The following TDRD15 variants were observed in gnomAD, a reference collection of about 807,000 sequenced individuals.
TDRD15 encodes the protein tudor domain containing 15, also known as tudor domain-containing protein 15.
For synonymous variants in TDRD15, 503 were observed against 314.5 expected (o/e 1.60, Z -6.34); for missense variants, 1,416 against 904.7 (o/e 1.57, Z -7.25).
Position 21,138,086 on chromosome 2 carries a change from T to A in TDRD15, c.619T>A (p.Leu207Ile), listed in dbSNP as rs1444798895. 1 of 716,192 alleles carries A rather than the reference T, an allele frequency of 1.4e-6. No individual in the cohort carries two copies. Among genetic ancestry groups the A allele is most frequent in the South Asian group, 1.5e-5 (1 of 67,432 alleles). The allele number at this position is 716,192 out of a possible 1,614,324, so 44.4% of individuals were successfully genotyped here. A position where few individuals can be genotyped will look rare whatever the true frequency, so the allele number is the denominator to read the frequency against. Residue 207 changes from leucine (L) to isoleucine (I), a missense_variant, in exon 4 of 4, where the codon TTA (leucine) becomes ATA (isoleucine). By Grantham distance (5) the Leu-to-Ile change is conservative (BLOSUM62 2). Coordinates refer to ENST00000405799, the MANE Select transcript of TDRD15 (RefSeq NM_001306137.2). ...AGAATTCCCTCAACAAATGCCAGAT[T>A]TATTACAACATAAAAGGCCTGAATT... ...LEEFPQQMPD[L>I]LQHKRPELSL...
At position 21,141,801 on chromosome 2, in the gene TDRD15, A is replaced by G; in HGVS notation, c.4334A>G (p.Lys1445Arg). ...HNKTVYCEFLKKHDQKWEVNM... is the reference protein window; with the variant it reads ...HNKTVYCEFLRKHDQKWEVNM... The stretch of plus-strand genomic sequence containing the variant: ...AAAACAGTTTATTGTGAATTTTTGA[A>G]AAAGCATGATCAGAAATGGGAAGTA... The change falls in exon 4 of 4, where the codon AAA (lysine) becomes AGA (arginine). Residue 1445 changes from lysine (K) to arginine (R), a missense_variant. Physicochemically the swap from Lys to Arg is conservative, Grantham distance 26 (BLOSUM62 2). Transcript: ENST00000405799. 5.6e-6 allele frequency: 4 copies of G among 713,688 alleles called. No individual in the cohort carries two copies. The South Asian group carries it at 6.0e-5, about 11-fold the overall frequency. 44.2% of individuals were successfully genotyped at this position (713,688 alleles called of 1,614,324 possible).
rs1665897275 is a variant in TDRD15 at position 21,140,322 on chromosome 2, A to G, written c.2855A>G (p.Tyr952Cys). Residue 952 changes from tyrosine (Y) to cysteine (C), a missense_variant, in exon 4 of 4, where the codon TAC becomes TGC. Transcript: ENST00000405799. ...SETFPSLFSL[Y>C]SYCYSSFNIQ... is the part of the protein sequence containing the mutation. The stretch of plus-strand genomic sequence containing the variant: ...ACATTCCCATCTTTATTTAGTCTTT[A>G]CAGTTACTGTTATTCTTCCTTTAAT... 1.4e-6 allele frequency: 1 copy of G among 713,778 alleles called. No homozygotes were observed. Among genetic ancestry groups the G allele is most frequent in the Non-Finnish European group, 2.6e-6 (1 of 383,362 alleles). 44.2% of individuals were successfully genotyped at this position (713,778 alleles called of 1,614,324 possible).
chr2:21,131,249 G>A (rs61437001), intron 2 of TDRD15, among the ~76,000 whole-genome samples: 4,042 of 152,188 alleles, frequency 0.027, 136 homozygotes, highest in East Asian at 0.14. Context: ...GTTTTGTTTG[G>A]GGATGTTAGG....
At position 21,142,297 on chromosome 2, in the gene TDRD15, A is replaced by G. The variant is rs186441571; in HGVS notation, c.4830A>G (p.Val1610=). 1,379 of 688,462 alleles carry G rather than the reference A, an allele frequency of 2.0e-3. 21 individuals are homozygous for G. The highest frequency in any genetic ancestry group is 1.8e-4 in the Non-Finnish European group (68 of 376,764). 42.6% of individuals were successfully genotyped at this position (688,462 alleles called of 1,614,324 possible). A position where few individuals can be genotyped will look rare whatever the true frequency, so the allele number is the denominator to read the frequency against. ...YVDDKVLVFL[V]DCGIYEIVPV... ...ATGATAAAGTACTTGTTTTTTTAGT[A>G]GATTGTGGTATCTATGAAATAGTAC... is the stretch of plus-strand genomic sequence containing the variant. The change falls in exon 4 of 4, where the codon GTA becomes GTG. Residue 1610 remains valine, a synonymous_variant. Transcript: ENST00000405799.
Position 21,142,174 on chromosome 2 carries a change from T to C in TDRD15, c.4707T>C (p.Phe1569=), listed in dbSNP as rs1416584229. 4.5e-6 allele frequency: 3 copies of C among 673,488 alleles called. No individual in the cohort carries two copies. The highest frequency in any genetic ancestry group is 8.0e-6 in the Non-Finnish European group (3 of 372,976). 41.7% of individuals were successfully genotyped at this position (673,488 alleles called of 1,614,324 possible). Residue 1569 remains phenylalanine (F), a synonymous_variant, in exon 4 of 4, where the codon TTT becomes TTC. Coordinates refer to ENST00000405799, the MANE Select transcript of TDRD15 (RefSeq NM_001306137.2). ...LITKEEKKSP[F]LSMESIEKGL... is the part of the protein sequence containing the mutation. ...CGAAAGAAGAAAAAAAATCCCCTTT[T>C]TTATCAATGGAAAGTATTGAAAAAG...
At chr2:21,131,725 C>G (rs546417058) in intron 2 of TDRD15, among the ~76,000 whole-genome samples, 5 of 152,164 alleles carry the variant, frequency 3.3e-5, no homozygotes, top group African/African-American at 1.2e-4. Context: ...GAAATATAAC[C>G]ATCTCTCATG....
chr2:21,146,423 G>A (rs913987669), downstream of TDRD15, among the ~76,000 whole-genome samples: 2 of 151,896 alleles, frequency 1.3e-5, no homozygotes, highest in Non-Finnish European at 2.9e-5. Flanking sequence ...CAAGGTAATT[G>A]TTTTTATCTG....
intron 1 of TDRD15, among the ~76,000 whole-genome samples, chr2:21,125,865 TC>T: frequency 6.6e-6 from 1 of 152,122 alleles, no homozygotes; most frequent in East Asian, 1.9e-4. Context: ...TACTCTGACC[TC>T]CTCCCAAATT....
At chr2:21,145,098 A>T (rs1666010433), downstream of TDRD15, among the ~76,000 whole-genome samples, 1 of 151,986 alleles carries the variant, frequency 6.6e-6, no homozygotes, top group Admixed American at 6.6e-5. Context: ...GTATTATGCT[A>T]GGAGAGTGCC....
At position 21,128,304 on chromosome 2, in the gene TDRD15, C is replaced by T. The variant is rs551383679; in HGVS notation, c.-90+593C>T. Among the ~76,000 whole-genome samples, 43 of 149,124 alleles carry T rather than the reference C, an allele frequency of 2.9e-4. 1 individual carries two copies. The South Asian group carries it at 9.2e-3, about 32-fold the overall frequency. On this transcript the variant is annotated intron_variant, in intron 2 of 3. Transcript: ENST00000405799. ...CCATGTTATGGTTTTTTTTTTAAATCTGTCATTTGTCTATTCATATAATTT... is the reference window on the plus strand; with the variant it reads ...CCATGTTATGGTTTTTTTTTTAAATTTGTCATTTGTCTATTCATATAATTT...
chr2:21,128,793 GTTTC>G (rs1665650861), intron 2 of TDRD15, among the ~76,000 whole-genome samples: 1 of 144,020 alleles, frequency 6.9e-6, no homozygotes, highest in South Asian at 2.2e-4. Flanking sequence ...AAAGAATTTT[GTTTC>G]TTTTTTTTTT....
chr2:21,130,844 C>T (rs990931334), intron 2 of TDRD15, among the ~76,000 whole-genome samples: 4 of 152,170 alleles, frequency 2.6e-5, no homozygotes, highest in African/African-American at 9.7e-5. Flanking sequence ...GGCAGTTTCA[C>T]TTTAAAATGT....
At position 21,139,219 on chromosome 2, in the gene TDRD15, A is replaced by G. The variant is rs151243996; in HGVS notation, c.1752A>G (p.Pro584=). 1.1e-3 allele frequency: 779 copies of G among 715,492 alleles called. 6 individuals are homozygous for G. The African/African-American group carries it at 0.012, about 11-fold the overall frequency. 44.3% of individuals were successfully genotyped at this position (715,492 alleles called of 1,614,324 possible). Residue 584 remains proline (P), a synonymous_variant, in exon 4 of 4, where the codon CCA becomes CCG. Transcript: ENST00000405799. ...TTTTTGATGTAAAAATTTTGCTTCC[A>G]GAATTTTGTGAGTTGCCTGCCTTAG... ...IPFFDVKILL[P]EFCELPALAM...
chr2:21,145,448 T>C (rs1055183527), downstream of TDRD15, among the ~76,000 whole-genome samples: 1 of 151,974 alleles, frequency 6.6e-6, no homozygotes, highest in Non-Finnish European at 1.5e-5. Context: ...GCCATCAAAT[T>C]CTTTAAGAAC....
chr2:21,129,767 A>C (rs904841108), intron 2 of TDRD15, among the ~76,000 whole-genome samples: 1 of 152,210 alleles, frequency 6.6e-6, no homozygotes, highest in African/African-American at 2.4e-5. Context: ...ATATTTAAGA[A>C]GCCATTGCCT....
rs1199167787 is a variant in TDRD15, at chr2:21,143,849, CGTT to C, written c.*579_*581del. ...GGAAGTGGCCACTACGATTTTAAAA[CGTT>C]GCTTCACTATCTTTACATTTTTTGA... is the stretch of plus-strand genomic sequence containing the variant. On this transcript the variant is annotated 3_prime_UTR_variant, in exon 4 of 4. Transcript: ENST00000405799. Among the ~76,000 whole-genome samples the C allele has an allele frequency of 1.3e-5, 2 of 151,624 alleles. No homozygotes were observed. Among genetic ancestry groups the C allele is most frequent in the Non-Finnish European group, 3.0e-5 (2 of 67,678 alleles).
At position 21,127,646 on chromosome 2, in the gene TDRD15, C is replaced by G. The variant is rs1429300089; in HGVS notation, c.-155C>G. The stretch of plus-strand genomic sequence containing the variant: ...TCTGTTCCAGTGAATTATATTTCCA[C>G]ACCAGTACTACACCAGTACCACAGT... On this transcript the variant is annotated 5_prime_UTR_variant, in exon 2 of 4. Transcript: ENST00000405799. The G allele has an allele frequency of 6.6e-6, 1 of 152,214 alleles. No homozygotes were observed. The highest frequency in any genetic ancestry group is 2.4e-5 in the African/African-American group (1 of 41,450). The allele number at this position is 152,214 out of a possible 1,614,324, so 9.4% of individuals were successfully genotyped here.
chr2:21,125,195 AATCTT>A (rs1665560496), intron 1 of TDRD15, among the ~76,000 whole-genome samples: 1 of 148,372 alleles, frequency 6.7e-6, no homozygotes. Context: ...ATGTGAGAGA[AATCTT>A]AATTTTAGGA....
rs1665931687 is a variant in TDRD15 at position 21,141,500 on chromosome 2, G to A, written c.4033G>A (p.Val1345Met). 1 of 715,118 alleles carries A rather than the reference G, an allele frequency of 1.4e-6. No individual in the cohort carries two copies. The highest frequency in any genetic ancestry group is 2.6e-6 in the Non-Finnish European group (1 of 383,738). The allele number at this position is 715,118 out of a possible 1,614,324, so 44.3% of individuals were successfully genotyped here. A position where few individuals can be genotyped will look rare whatever the true frequency, so the allele number is the denominator to read the frequency against. The change falls in exon 4 of 4, where the codon GTG becomes ATG. Residue 1345 changes from valine to methionine, a missense_variant. Coordinates refer to ENST00000405799, the MANE Select transcript of TDRD15 (RefSeq NM_001306137.2). ...AGAGAGAAAATCAGTTAAACCTCTA[G>A]TGGGAGATCTTGTAGTTGCAGAATA... Reference protein sequence around the residue: ...LRERKSVKPLVGDLVVAEYSG... With the variant: ...LRERKSVKPLMGDLVVAEYSG...
Sources: allele counts gnomAD v4.1 joint callset (sites outside exome capture counted in the v4.1 genomes callset), GRCh38; gene constraint gnomAD v4.1.1; transcripts MANE v1.5; gene names NCBI Gene and HGNC (gene_info 2026-07-23, HGNC 2026-07-21).